ADRA1A: variants seen among roughly 807,000 people sequenced by gnomAD.
ADRA1A encodes alpha-1A adrenergic receptor.
A neutral mutation model predicts 29.6 loss-of-function variants in ADRA1A; 31 were observed. The ratio of observed to expected loss-of-function variants is 1.05; its 90% CI spans 0.79 to 1.41. The LOEUF is 1.41. Ranked by LOEUF, ADRA1A falls within the 40% of genes most tolerant of loss-of-function variation. The pLI is 0.00. For synonymous variants in ADRA1A, 311 were observed against 254.3 expected, an observed-to-expected ratio of 1.22 and a Z score of -2.12; for missense variants, 619 against 601.1, an observed-to-expected ratio of 1.03 and a Z score of -0.31.
chr8:26,847,248 A>C (rs1812275937), intron 2 of ADRA1A, among the ~76,000 whole-genome samples: 2 of 152,146 alleles, frequency 1.3e-5, no homozygotes, highest in Non-Finnish European at 2.9e-5. Context: ...GAAACAAAAC[A>C]AAAGAAAAAC....
rs939654076 is a variant in ADRA1A at position 26,865,023 on chromosome 8, G to A, written c.-54C>T. 1.6e-4 allele frequency: 244 copies of A among 1,524,558 alleles called. 4 individuals carry two copies. The Middle Eastern group carries it at 2.7e-3, about 17-fold the overall frequency. 94.4% of individuals were successfully genotyped at this position (1,524,558 alleles called of 1,614,324 possible). A position where few individuals can be genotyped will look rare whatever the true frequency, so the allele number is the denominator to read the frequency against. ...GCTGTCCAGGGCCACCTCCCGGGCT[G>A]GCGCGGAGGCGGGAGCGCGGGAGCC... On this transcript the variant is annotated 5_prime_UTR_variant, in exon 2 of 3. Transcript: ENST00000380573. The surrounding 1 kb of genome is among the most constrained non-coding windows in gnomAD (Gnocchi z 7.6).
At position 26,865,365 on chromosome 8, in the gene ADRA1A, G is replaced by T; in HGVS notation, c.-396C>A. ...TTTCCGCGCTGTCTTATTCGTCCTG[G>T]CTGGGGGAAGATTCAGCATTCTGCA... On this transcript the variant is annotated 5_prime_UTR_variant, in exon 2 of 3. Coordinates refer to ENST00000380573, the MANE Select transcript of ADRA1A (RefSeq NM_000680.4). The surrounding 1 kb of genome is among the most constrained non-coding windows in gnomAD (Gnocchi z 7.6). 1.4e-5 allele frequency: 15 copies of T among 1,041,890 alleles called. No homozygotes were observed. The highest frequency in any genetic ancestry group is 1.7e-5 in the Non-Finnish European group (15 of 865,572). The allele number at this position is 1,041,890 out of a possible 1,614,324, so 64.5% of individuals were successfully genotyped here. A position where few individuals can be genotyped will look rare whatever the true frequency, so the allele number is the denominator to read the frequency against.
Position 26,770,463 on chromosome 8 carries a change from G to T in ADRA1A, c.1087C>A (p.Pro363Thr). ...TGTTGCCCTTCCACGGCCTGGCTGG[G>T]CGGGTGCAGGGTGTAGCCCAGGGCA... ...KHALGYTLHPPSQAVEGQHKD... is the reference protein window; with the variant it reads ...KHALGYTLHPTSQAVEGQHKD... The change falls in exon 3 of 3, where the codon CCC becomes ACC. Residue 363 changes from proline (P) to threonine (T), a missense_variant. By Grantham distance (38) the Pro-to-Thr change is conservative. Coordinates refer to ENST00000380573, the MANE Select transcript of ADRA1A (RefSeq NM_000680.4). The T allele has an allele frequency of 5.6e-6, 9 of 1,614,220 alleles. No homozygotes were observed. The highest frequency in any genetic ancestry group is 7.6e-6 in the Non-Finnish European group (9 of 1,180,034).
chr8:26,843,070 C>T (rs1811946975), intron 2 of ADRA1A, among the ~76,000 whole-genome samples: 1 of 152,192 alleles, frequency 6.6e-6, no homozygotes. Flanking sequence ...TTAAGACCTG[C>T]CTGGCATATC....
At position 26,864,418 on chromosome 8, in the gene ADRA1A, G is replaced by T. The variant is rs1310861678; in HGVS notation, c.552C>A (p.Tyr184Ter). Reference protein sequence around the residue: ...TICQINEEPGYVLFSALGSFY... With the variant: ...TICQINEEPG ...AGGAGCCCAGCGCTGAGAAGAGCACGTAGCCCGGCTCCTCGTTGATCTGGC... is the reference window on the plus strand; with the variant it reads ...AGGAGCCCAGCGCTGAGAAGAGCACTTAGCCCGGCTCCTCGTTGATCTGGC... Residue 184 changes from tyrosine (Y) to a stop codon, truncating the protein, a stop_gained, in exon 2 of 3, where the codon TAC (tyrosine) becomes TAA (stop). Transcript: ENST00000380573. LOFTEE classifies it high-confidence loss of function. This position sits in a 1 kb window ranked among gnomAD's most constrained non-coding sequence, Gnocchi z 8.1. 1 of 1,613,546 alleles carries T rather than the reference G, an allele frequency of 6.2e-7. No homozygotes were observed. Among genetic ancestry groups the T allele is most frequent in the South Asian group, 1.1e-5 (1 of 91,080 alleles).
chr8:26,839,095 A>G (rs1247941078), intron 2 of ADRA1A, among the ~76,000 whole-genome samples: 1 of 152,172 alleles, frequency 6.6e-6, no homozygotes, highest in Non-Finnish European at 1.5e-5. Context: ...TGGACTATGC[A>G]TGCTAATTAT....
chr8:26,822,746 A>C (rs1810265002), intron 2 of ADRA1A, among the ~76,000 whole-genome samples: 1 of 152,204 alleles, frequency 6.6e-6, no homozygotes, highest in South Asian at 2.1e-4. Context: ...TAACTGGCTC[A>C]TGGTTCTGCA....
chr8:26,849,115 T>C (rs973961135), intron 2 of ADRA1A, among the ~76,000 whole-genome samples: 2 of 152,198 alleles, frequency 1.3e-5, no homozygotes, highest in Middle Eastern at 6.3e-3. Flanking sequence ...AAAGCCAAAG[T>C]TCATAAGCCA....
rs1211926034 is a variant in ADRA1A, at chr8:26,775,532, G to A, written c.884-4866C>T. Among the ~76,000 whole-genome samples, 3 of 152,098 alleles carry A rather than the reference G, an allele frequency of 2.0e-5. No individual in the cohort carries two copies. Among genetic ancestry groups the A allele is most frequent in the Middle Eastern group, 3.2e-3 (1 of 316 alleles). ...AGGGGCTCCTACTTCTTTGGTCACCGTAGCTATGGTTTTCTCCTCAACAAT... is the reference window on the plus strand; with the variant it reads ...AGGGGCTCCTACTTCTTTGGTCACCATAGCTATGGTTTTCTCCTCAACAAT... On this transcript the variant is annotated intron_variant, in intron 2 of 2. Coordinates refer to ENST00000380573, the MANE Select transcript of ADRA1A (RefSeq NM_000680.4). This position sits in a 1 kb window ranked among gnomAD's most constrained non-coding sequence, Gnocchi z 4.1.
At chr8:26,756,490 C>G (rs908714530) in exon 3 of ADRA1A, 1 of 1,503,482 alleles carries the variant, frequency 6.7e-7, no homozygotes, top group Non-Finnish European at 8.9e-7. Context: ...AAAAATCGAG[C>G]TATTTGTCCC....
downstream of ADRA1A, among the ~76,000 whole-genome samples, chr8:26,752,593 G>C (rs774370413): frequency 6.6e-6 from 1 of 152,162 alleles, no homozygotes; most frequent in Non-Finnish European, 1.5e-5. Context: ...TTATTTTGGG[G>C]CTGCTTTTTA....
chr8:26,821,864 G>C lies in ADRA1A; in HGVS notation c.883+42223C>G, dbSNP rs1446350033. On this transcript the variant is annotated intron_variant, in intron 2 of 2. Coordinates refer to ENST00000380573, the MANE Select transcript of ADRA1A (RefSeq NM_000680.4). This position sits in a 1 kb window ranked among gnomAD's most constrained non-coding sequence, Gnocchi z 5.6. ...GAGTCATACAGTATGCAATCATTTT[G>C]GGATTGGCTTTTTCCACTTAGCATT... 6.6e-6 allele frequency among the ~76,000 whole-genome samples: 1 copy of C among 152,134 alleles called. No individual in the cohort carries two copies. Among genetic ancestry groups the C allele is most frequent in the African/African-American group, 2.4e-5 (1 of 41,418 alleles).
chr8:26,843,368 A>G (rs1811969097), intron 2 of ADRA1A, among the ~76,000 whole-genome samples: 1 of 152,140 alleles, frequency 6.6e-6, no homozygotes, highest in Non-Finnish European at 1.5e-5. Flanking sequence ...TTTGTCCCCT[A>G]GTTTCCTGCT....
chr8:26,761,581 T>C (rs1805504540), downstream of ADRA1A, among the ~76,000 whole-genome samples: 1 of 152,198 alleles, frequency 6.6e-6, no homozygotes, highest in Non-Finnish European at 1.5e-5. Flanking sequence ...AAGATATCTA[T>C]CTACAAGTCA....
At chr8:26,835,456 G>A (rs1811279121) in intron 2 of ADRA1A, among the ~76,000 whole-genome samples, 1 of 152,162 alleles carries the variant, frequency 6.6e-6, no homozygotes, top group Non-Finnish European at 1.5e-5. Flanking sequence ...GAGGCCTCAG[G>A]AAACTTACAG....
At position 26,783,726 on chromosome 8, in the gene ADRA1A, G is replaced by A. The variant is rs542745402; in HGVS notation, c.884-13060C>T. On this transcript the variant is annotated intron_variant, in intron 2 of 2. Transcript: ENST00000380573. ...ATCATTCTATTTCAAAGATACATGC[G>A]TGTGTATGTTCATTGCAGCACTATT... is the stretch of plus-strand genomic sequence containing the variant. Among the ~76,000 whole-genome samples, 23 of 152,262 alleles carry A rather than the reference G, an allele frequency of 1.5e-4. 1 individual carries two copies. In the East Asian group the frequency reaches 3.1e-3, roughly 20 times the overall value.
At chr8:26,844,224 G>C (rs1245988087) in intron 2 of ADRA1A, among the ~76,000 whole-genome samples, 1 of 152,068 alleles carries the variant, frequency 6.6e-6, no homozygotes, top group African/African-American at 2.4e-5. Context: ...ATCTACAAAT[G>C]GACTCACCTG....
intron 2 of ADRA1A, among the ~76,000 whole-genome samples, chr8:26,846,637 T>A (rs1812225169): frequency 6.6e-6 from 1 of 152,104 alleles, no homozygotes; most frequent in Non-Finnish European, 1.5e-5. Context: ...CCAGGCGTGG[T>A]GGCAGGCACC....
intron 2 of ADRA1A, among the ~76,000 whole-genome samples, chr8:26,807,980 G>C (rs550390614): frequency 6.6e-6 from 1 of 152,260 alleles, no homozygotes; most frequent in Non-Finnish European, 1.5e-5. Context: ...ACAGGGCAAT[G>C]CATTCTGCAC....
Sources: allele counts gnomAD v4.1 joint callset (sites outside exome capture counted in the v4.1 genomes callset), GRCh38; gene constraint gnomAD v4.1.1; non-coding constraint Gnocchi (gnomAD v3.1); transcripts MANE v1.5; gene names NCBI Gene and HGNC (gene_info 2026-07-23, HGNC 2026-07-21).